Variants in CHKA observed in about 807,000 individuals in gnomAD.
The protein encoded by CHKA is CHETK-alpha.
Under a neutral mutation model 60.1 loss-of-function variants are expected in CHKA, and 34 were observed. The observed-to-expected ratio is 0.57, with a 90% CI of 0.43 to 0.75. The LOEUF (loss-of-function observed/expected upper bound fraction) is 0.75. Among genes scored for constraint, CHKA ranks in the 30% least tolerant of loss-of-function variants. The pLI, the probability that CHKA is intolerant of heterozygous loss-of-function variation, is 0.00. For missense variants in CHKA, 563 were observed against 561.3 expected, an observed-to-expected ratio of 1.00 and a Z score of -0.03; for synonymous variants, 217 against 223.1, an observed-to-expected ratio of 0.97 and a Z score of 0.24.
chr11:68,084,555 TTTCTC>T (rs1857118732), intron 2 of CHKA, among the ~76,000 whole-genome samples: 1 of 150,906 alleles, frequency 6.6e-6, no homozygotes, highest in African/African-American at 2.4e-5. Context: ...ACATCCAACT[TTTCTC>T]TAACAAGTTA....
At chr11:68,077,789 T>TA (rs1199444155) in intron 3 of CHKA, among the ~76,000 whole-genome samples, 1 of 151,950 alleles carries the variant, frequency 6.6e-6, no homozygotes, top group East Asian at 1.9e-4. Flanking sequence ...GTGGTGTGGG[T>TA]ATTTCTAAGG....
chr11:68,072,095 T>C (rs1008860546), intron 4 of CHKA, among the ~76,000 whole-genome samples: 4 of 152,226 alleles, frequency 2.6e-5, no homozygotes, highest in Non-Finnish European at 4.4e-5. Flanking sequence ...GCTAACATGC[T>C]CAGATATGAA....
At chr11:68,086,859 G>A (rs748296819) in intron 2 of CHKA, among the ~76,000 whole-genome samples, 90 of 152,132 alleles carry the variant, frequency 5.9e-4, no homozygotes, top group Non-Finnish European at 1.1e-3. Context: ...GGTGGCGGGC[G>A]CCTGTTGTCC....
rs377161735 is a variant in CHKA at position 68,056,081 on chromosome 11, TCTGG to T, written c.1315-2038_1315-2035del. 5.9e-3 allele frequency among the ~76,000 whole-genome samples: 899 copies of T among 152,250 alleles called. 4 individuals are homozygous for T. Among genetic ancestry groups the T allele is most frequent in the African/African-American group, 0.02 (828 of 41,534 alleles). On this transcript the variant is annotated intron_variant, in intron 11 of 11. Transcript: ENST00000265689. Reference sequence around the variant, plus strand: ...TAATAATGAAGCAGGCTGTTTGGTTTCTGGCTGAGTTATGAGTTCTTTATATATC... The same window carrying T: ...TAATAATGAAGCAGGCTGTTTGGTTTCTGAGTTATGAGTTCTTTATATATC...
intron 2 of CHKA, among the ~76,000 whole-genome samples, chr11:68,084,309 TAC>T (rs1394559429): frequency 1.4e-5 from 2 of 141,360 alleles, no homozygotes; most frequent in African/African-American, 5.2e-5. Flanking sequence ...TATGTGTATA[TAC>T]ATGTGTATAT....
At position 68,065,861 on chromosome 11, in the gene CHKA, C is replaced by A; in HGVS notation, c.1050G>T (p.Trp350Cys). 6.2e-7 allele frequency: 1 copy of A among 1,604,030 alleles called. No homozygotes were observed. Residue 350 changes from tryptophan (W) to cysteine (C), a missense_variant, in exon 9 of 12, where the codon TGG becomes TGT. Transcript: ENST00000265689. Reference protein sequence around the residue: ...GFDIGNHFCEWMYDYSYEKYP... With the variant: ...GFDIGNHFCECMYDYSYEKYP... ...ATTTTTCATAGCTATAATCATACATCCACTCACAGAAGTGATTTCCAATGT... is the reference window on the plus strand; with the variant it reads ...ATTTTTCATAGCTATAATCATACATACACTCACAGAAGTGATTTCCAATGT...
chr11:68,097,076 G>A lies in CHKA; in HGVS notation c.405C>T (p.Thr135=), dbSNP rs572084295. 5.1e-5 allele frequency: 83 copies of A among 1,613,646 alleles called. 1 individual carries two copies. The East Asian group carries it at 6.2e-4, about 12-fold the overall frequency. Residue 135 remains threonine (T), a synonymous_variant, in exon 2 of 12, where the codon ACC becomes ACT. Transcript: ENST00000265689. The stretch of plus-strand genomic sequence containing the variant: ...GCACTTTCCGAGGCTCATCACCAAG[G>A]GTGGCTGTGGTGTCAGGTAGGGAGC... ...FQCSLPDTTA[T]LGDEPRKVLL...
chr11:68,078,462 C>T (rs1338848422), intron 3 of CHKA, among the ~76,000 whole-genome samples: 1 of 152,174 alleles, frequency 6.6e-6, no homozygotes, highest in African/African-American at 2.4e-5. Context: ...AAAAGAACAG[C>T]TTCAGAGTGA....
At chr11:68,077,447 G>A (rs1256011349) in intron 3 of CHKA, among the ~76,000 whole-genome samples, 4 of 152,188 alleles carry the variant, frequency 2.6e-5, no homozygotes, top group African/African-American at 4.8e-5. Context: ...CCTGTACCAC[G>A]CACTGGTTTA....
chr11:68,080,696 G>A (rs1024887612), intron 3 of CHKA, among the ~76,000 whole-genome samples: 5 of 152,190 alleles, frequency 3.3e-5, no homozygotes, highest in Non-Finnish European at 7.3e-5. Flanking sequence ...AAGTGATGTG[G>A]CGATGTGTGT....
intron 2 of CHKA, among the ~76,000 whole-genome samples, chr11:68,092,553 G>C (rs901132589): frequency 1.3e-5 from 2 of 152,172 alleles, no homozygotes; most frequent in African/African-American, 4.8e-5. Context: ...CTGTTGCCTG[G>C]CTCGCATCTT....
intron 1 of CHKA, among the ~76,000 whole-genome samples, chr11:68,119,471 GTTCT>G (rs373993476): frequency 1.2e-4 from 18 of 152,188 alleles, no homozygotes; most frequent in African/African-American, 3.1e-4. Context: ...GACGGAACAC[GTTCT>G]TTGTTTTTGT....
At chr11:68,061,847 A>G (rs1360427332) in intron 11 of CHKA, 106 bp downstream of exon 11, 2 of 822,068 alleles carry the variant, frequency 2.4e-6, no homozygotes, top group African/African-American at 3.4e-5. Context: ...GAGACAGAGA[A>G]CCCTCTGTAA....
chr11:68,081,666 C>T (rs866783821), intron 2 of CHKA: 3 of 499,118 alleles, frequency 6.0e-6, no homozygotes, highest in South Asian at 2.5e-5. Context: ...CATTGCTTTA[C>T]GAGAAAAGGG....
chr11:68,061,687 T>C (rs1030031291), intron 11 of CHKA: 2 of 532,496 alleles, frequency 3.8e-6, no homozygotes, highest in Non-Finnish European at 7.2e-6. Context: ...GGCACTTCTC[T>C]GAAGCAGGGG....
In CHKA at chr11:68,081,475, GA is replaced by G. The variant is rs1231841740; in HGVS notation, c.463-19del. ...CAGGACCTCTATGAATGAGAAAAAG[GA>G]AACACTTCTGGTGAGATGGGGAACA... On this transcript the variant is annotated intron_variant, in intron 2 of 11. Transcript: ENST00000265689. 6 of 1,604,804 alleles carry G rather than the reference GA, an allele frequency of 3.7e-6. No homozygotes were observed. The highest frequency in any genetic ancestry group is 5.1e-6 in the Non-Finnish European group (6 of 1,171,872).
rs549230863 is a variant in CHKA at position 68,055,815 on chromosome 11, C to T, written c.1315-1768G>A. 1.2e-3 allele frequency among the ~76,000 whole-genome samples: 177 copies of T among 151,820 alleles called. 1 individual carries two copies. The highest frequency in any genetic ancestry group is 2.7e-3 in the South Asian group (13 of 4,788). ...ATCCTAGCACTTTGGGAGGCCAAGG[C>T]GGGTGGATCACCTGAGGTCAGGAGT... On this transcript the variant is annotated intron_variant, in intron 11 of 11. Coordinates refer to ENST00000265689, the MANE Select transcript of CHKA (RefSeq NM_001277.3).
chr11:68,067,000 C>T (rs1448227191), intron 7 of CHKA, among the ~76,000 whole-genome samples: 1 of 133,270 alleles, frequency 7.5e-6, no homozygotes, highest in Non-Finnish European at 1.7e-5. Flanking sequence ...ACAGGGGATC[C>T]CCTGCTTTGT....
At chr11:68,113,480 T>C (rs554089858) in intron 1 of CHKA, among the ~76,000 whole-genome samples, 1 of 151,854 alleles carries the variant, frequency 6.6e-6, no homozygotes, top group Non-Finnish European at 1.5e-5. Context: ...GCAGATCACG[T>C]GGGTCAGGAG....
Sources: gnomAD v4.1 joint callset for allele counts (sites outside exome capture counted in the v4.1 genomes callset) on GRCh38, gnomAD v4.1.1 for gene constraint, MANE v1.5 for transcripts, NCBI Gene and HGNC (gene_info 2026-07-23, HGNC 2026-07-21) for gene names.